The following NCK2 variants were observed in gnomAD, a reference collection of about 807,000 sequenced individuals.
The protein encoded by NCK2 is cytoplasmic protein NCK2.
Under a neutral mutation model 33.9 loss-of-function variants are expected in NCK2, and 16 were observed. The observed-to-expected ratio is 0.47, with a 90% CI of 0.32 to 0.72. The LOEUF (loss-of-function observed/expected upper bound fraction) is 0.72. Among genes scored for constraint, NCK2 ranks in the 30% least tolerant of loss-of-function variants. The probability of loss-of-function intolerance (pLI) is 0.03; values close to 1 mark genes in which losing one functional copy is unlikely to be tolerated. For missense variants in NCK2, 418 were observed against 537.3 expected (o/e 0.78, Z 2.19); for synonymous variants, 273 against 239.9 (o/e 1.14, Z -1.27).
chr2:105,842,916 C>T (rs1474001394), intron 2 of NCK2, among the ~76,000 whole-genome samples: 1 of 152,124 alleles, frequency 6.6e-6, no homozygotes, highest in African/African-American at 2.4e-5. Flanking sequence ...TTACTGCTTG[C>T]CATTGCTTAG....
chr2:105,850,976 C>G (rs751136694), intron 2 of NCK2, among the ~76,000 whole-genome samples: 1 of 152,214 alleles, frequency 6.6e-6, no homozygotes, highest in Non-Finnish European at 1.5e-5. Context: ...GCAACTTCAA[C>G]TCTCGGCCAA....
At chr2:105,821,213 T>C (rs994256978) in intron 2 of NCK2, among the ~76,000 whole-genome samples, 1 of 152,228 alleles carries the variant, frequency 6.6e-6, no homozygotes, top group African/African-American at 2.4e-5. Context: ...TCCTGGTTGT[T>C]TGGTATTTTG....
At chr2:105,847,838 A>G (rs1676910919) in intron 2 of NCK2, among the ~76,000 whole-genome samples, 1 of 152,170 alleles carries the variant, frequency 6.6e-6, no homozygotes, top group Non-Finnish European at 1.5e-5. Context: ...TGGTTGCATC[A>G]AAGCTTTTCT....
chr2:105,815,880 A>G (rs1417554496), intron 1 of NCK2, among the ~76,000 whole-genome samples: 2 of 152,028 alleles, frequency 1.3e-5, no homozygotes, highest in Admixed American at 6.6e-5. Context: ...TATTTCTGGG[A>G]GGCTTTTAAA....
At chr2:105,745,230 G>A (rs573208170) in intron 1 of NCK2, 92 bp downstream of exon 1, 1 of 151,150 alleles carries the variant, frequency 6.6e-6, no homozygotes, top group Non-Finnish European at 1.5e-5. Context: ...GGGCCGGGGT[G>A]CGCCCGGGAA....
At chr2:105,880,936 ATTTTTTTTT>A (rs59005322) in intron 3 of NCK2, among the ~76,000 whole-genome samples, 2 of 103,558 alleles carry the variant, frequency 1.9e-5, no homozygotes, top group East Asian at 3.4e-4. Context: ...CAGGTGGCTA[ATTTTTTTTT>A]TTTTTTTTTT....
intron 2 of NCK2, among the ~76,000 whole-genome samples, chr2:105,845,198 A>C (rs1385024548): frequency 6.6e-6 from 1 of 152,190 alleles, no homozygotes; most frequent in African/African-American, 2.4e-5. Flanking sequence ...GTAGCCTAAT[A>C]ATATTTTAAC....
chr2:105,887,991 T>G (rs2104681218), intron 4 of NCK2, among the ~76,000 whole-genome samples: 1 of 152,324 alleles, frequency 6.6e-6, no homozygotes, highest in South Asian at 2.1e-4. Context: ...ATTAGAAATT[T>G]TTAAGTCTGC....
intron 3 of NCK2, among the ~76,000 whole-genome samples, chr2:105,876,985 C>T (rs555243229): frequency 5.0e-4 from 76 of 152,278 alleles, no homozygotes; most frequent in African/African-American, 1.7e-3. Flanking sequence ...CAGCAGAAAC[C>T]GTCCCTTTGA....
chr2:105,827,151 C>T (rs1464594793), intron 2 of NCK2, among the ~76,000 whole-genome samples: 3 of 152,108 alleles, frequency 2.0e-5, no homozygotes, highest in African/African-American at 7.2e-5. Flanking sequence ...AGGTGCCTAC[C>T]ACCACGCCCG....
intron 1 of NCK2, among the ~76,000 whole-genome samples, chr2:105,781,614 C>G (rs536563659): frequency 1.3e-5 from 2 of 152,290 alleles, no homozygotes; most frequent in East Asian, 3.9e-4. Flanking sequence ...CTTTGTGCAT[C>G]AGTTTTATTA....
chr2:105,842,229 G>A (rs1328757482), intron 2 of NCK2, among the ~76,000 whole-genome samples: 2 of 152,058 alleles, frequency 1.3e-5, no homozygotes, highest in Non-Finnish European at 2.9e-5. Context: ...AGGATTAAAG[G>A]ATGCACCACC....
intron 1 of NCK2, among the ~76,000 whole-genome samples, chr2:105,794,501 A>G (rs982397732): frequency 5.3e-5 from 8 of 152,090 alleles, no homozygotes; most frequent in Non-Finnish European, 7.4e-5. Flanking sequence ...TGCAAACCAT[A>G]TAAGTACTGA....
At chr2:105,823,883 C>G (rs567439086) in intron 2 of NCK2, among the ~76,000 whole-genome samples, 1 of 152,188 alleles carries the variant, frequency 6.6e-6, no homozygotes, top group Non-Finnish European at 1.5e-5. Flanking sequence ...CTGGCTGTTT[C>G]GTGATCAAAC....
intron 1 of NCK2, among the ~76,000 whole-genome samples, chr2:105,753,125 C>T (rs1261329059): frequency 6.6e-6 from 1 of 152,196 alleles, no homozygotes; most frequent in Non-Finnish European, 1.5e-5. Flanking sequence ...ATACATAAAA[C>T]AGAACTGTAA....
At chr2:105,757,058 G>A (rs1037963491) in intron 1 of NCK2, among the ~76,000 whole-genome samples, 3 of 152,130 alleles carry the variant, frequency 2.0e-5, no homozygotes, top group African/African-American at 7.2e-5. Context: ...GCCTGCCTCG[G>A]CCTCCCAGAG....
intron 2 of NCK2, among the ~76,000 whole-genome samples, chr2:105,828,993 A>G (rs1676062396): frequency 6.6e-6 from 1 of 152,148 alleles, no homozygotes. Flanking sequence ...CCCAGCTCTG[A>G]GTGATATAGT....
intron 4 of NCK2, among the ~76,000 whole-genome samples, chr2:105,888,526 A>G (rs1221639055): frequency 6.6e-6 from 1 of 152,236 alleles, no homozygotes; most frequent in Admixed American, 6.5e-5. Context: ...TTTTAGTCCA[A>G]TCATAGAAAA....
At chr2:105,845,281 C>G (rs931498066) in intron 2 of NCK2, among the ~76,000 whole-genome samples, 1 of 152,030 alleles carries the variant, frequency 6.6e-6, no homozygotes, top group African/African-American at 2.4e-5. Context: ...TTGCATGTTT[C>G]AAAATCAGGC....
Sources: allele counts gnomAD v4.1 joint callset (sites outside exome capture counted in the v4.1 genomes callset), GRCh38; gene constraint gnomAD v4.1.1; transcripts MANE v1.5; gene names NCBI Gene and HGNC (gene_info 2026-07-23, HGNC 2026-07-21).